Variants in POLQ observed in about 807,000 individuals in gnomAD.
The protein encoded by POLQ is epididymis secretory sperm binding protein.
A neutral mutation model predicts 259.2 loss-of-function variants in POLQ; 233 were observed. That is an observed-to-expected ratio of 0.90 (90% CI 0.81 to 1.00). POLQ has a LOEUF of 1.00. Among genes scored for constraint, POLQ ranks in the 50% least tolerant of loss-of-function variants. The probability of loss-of-function intolerance (pLI) is 0.00; values close to 1 mark genes in which losing one functional copy is unlikely to be tolerated. For missense variants in POLQ, 2,871 were observed against 3,051.6 expected (o/e 0.94, Z 1.39); for synonymous variants, 1,025 against 1,048.8 (o/e 0.98, Z 0.44).
intron 12 of POLQ, among the ~76,000 whole-genome samples, chr3:121,508,990 C>A (rs527910102): frequency 6.6e-6 from 1 of 152,184 alleles, no homozygotes; most frequent in East Asian, 1.9e-4. Flanking sequence ...TTCCTTATTG[C>A]ATTTATTATA....
rs148498353 is a variant in POLQ, at chr3:121,542,267, G to A, written c.344-788C>T. On this transcript the variant is annotated intron_variant, in intron 2 of 29. Transcript: ENST00000264233. ...ACGATGGGCAAGGTGTTGTATGTCT[G>A]TAATCCCAGCATCTTGGGAGGCTGA... 7.9e-5 allele frequency among the ~76,000 whole-genome samples: 12 copies of A among 152,342 alleles called. No individual in the cohort carries two copies. The East Asian group carries it at 2.1e-3, about 27-fold the overall frequency.
intron 5 of POLQ, among the ~76,000 whole-genome samples, chr3:121,535,533 T>A (rs1326338013): frequency 6.6e-6 from 1 of 151,796 alleles, no homozygotes; most frequent in Non-Finnish European, 1.5e-5. Flanking sequence ...CTGGCCAACA[T>A]GGTGAAACCC....
intron 7 of POLQ, among the ~76,000 whole-genome samples, chr3:121,522,686 G>A (rs1167790357): frequency 1.3e-5 from 2 of 152,126 alleles, no homozygotes; most frequent in African/African-American, 4.8e-5. Flanking sequence ...GATGTGACCT[G>A]GACATGAAGA....
intron 23 of POLQ, among the ~76,000 whole-genome samples, chr3:121,467,940 G>A (rs183386325): frequency 6.6e-6 from 1 of 152,222 alleles, no homozygotes; most frequent in East Asian, 1.9e-4. Flanking sequence ...GGCTGAGGTG[G>A]GAGGATTGCT....
chr3:121,487,250 G>T, intron 16 of POLQ, 52 bp downstream of exon 16: 1 of 937,404 alleles, frequency 1.1e-6, no homozygotes, highest in Non-Finnish European at 1.6e-6. Context: ...TCTTATCTCA[G>T]TCTACTAAGT....
At chr3:121,518,967 A>C (rs1201010496) in intron 9 of POLQ, among the ~76,000 whole-genome samples, 1 of 152,090 alleles carries the variant, frequency 6.6e-6, no homozygotes, top group African/African-American at 2.4e-5. Context: ...ATTCAAACAA[A>C]CCTCTTCCTT....
At chr3:121,485,788 TTTTG>T (rs1264683000) in intron 16 of POLQ, among the ~76,000 whole-genome samples, 2 of 152,218 alleles carry the variant, frequency 1.3e-5, no homozygotes, top group Non-Finnish European at 1.5e-5. Flanking sequence ...ATGTGCTCAA[TTTTG>T]TTTGTTACAT....
At chr3:121,508,940 A>T (rs2048231013) in intron 12 of POLQ, among the ~76,000 whole-genome samples, 1 of 148,446 alleles carries the variant, frequency 6.7e-6, no homozygotes, top group Admixed American at 6.8e-5. Context: ...TATACAAAAT[A>T]ATATTCACAG....
intron 12 of POLQ, among the ~76,000 whole-genome samples, chr3:121,499,267 CTT>C (rs34141063): frequency 2.2e-3 from 299 of 135,556 alleles, no homozygotes; most frequent in East Asian, 2.4e-3. Flanking sequence ...GAACCCAAGT[CTT>C]TTTTTTTTTT....
At chr3:121,462,256 T>C (rs1576405581) in intron 24 of POLQ, among the ~76,000 whole-genome samples, 1 of 151,958 alleles carries the variant, frequency 6.6e-6, no homozygotes, top group Non-Finnish European at 1.5e-5. Flanking sequence ...ATTGGACAAA[T>C]TATATGGGAA....
rs1466275346 is a variant in POLQ, at chr3:121,481,818, T to C, written c.5971-6A>G. On this transcript the variant is annotated splice_region_variant and splice_polypyrimidine_tract_variant and intron_variant, in intron 18 of 29. Coordinates refer to ENST00000264233, the MANE Select transcript of POLQ (RefSeq NM_199420.4). ...TCTAGTAACCAGCATGCCACCTGAA[T>C]GGGATAGCAATGAGAATATTTTCCT... 6.2e-7 allele frequency: 1 copy of C among 1,606,388 alleles called. No homozygotes were observed. The highest frequency in any genetic ancestry group is 8.5e-7 in the Non-Finnish European group (1 of 1,175,210).
intron 19 of POLQ, among the ~76,000 whole-genome samples, chr3:121,479,511 G>GGAGT (rs1460209258): frequency 6.6e-6 from 1 of 152,114 alleles, no homozygotes; most frequent in African/African-American, 2.4e-5. Flanking sequence ...TGCCCAGACT[G>GGAGT]GAGTGCAGTG....
At chr3:121,483,224 C>T (rs2047984029) in intron 18 of POLQ, among the ~76,000 whole-genome samples, 162 bp downstream of exon 18, 1 of 151,968 alleles carries the variant, frequency 6.6e-6, no homozygotes, top group Non-Finnish European at 1.5e-5. Flanking sequence ...ATATTTGGTG[C>T]ATGATATTCT....
chr3:121,488,712 C>T lies in POLQ; in HGVS notation c.4219G>A (p.Val1407Ile), dbSNP rs913213661. The change falls in exon 16 of 30, where the codon GTT becomes ATT. Residue 1407 changes from valine (V) to isoleucine (I), a missense_variant. Around this residue, in one of 3 missense-constraint regions of POLQ, gnomAD observed 2,080 missense variants for 2,126.0 expected, o/e 0.98. Coordinates refer to ENST00000264233, the MANE Select transcript of POLQ (RefSeq NM_199420.4). ...TMKQSSDSHG[V>I]DILTPESPIF... ...GGGCTTTCTGGAGTCAGGATATCAACCCCATGTGAATCACTGCTTTGTTTC... is the reference window on the plus strand; with the variant it reads ...GGGCTTTCTGGAGTCAGGATATCAATCCCATGTGAATCACTGCTTTGTTTC... 3.7e-6 allele frequency: 6 copies of T among 1,613,928 alleles called. No homozygotes were observed. Among genetic ancestry groups the T allele is most frequent in the East Asian group, 2.2e-5 (1 of 44,874 alleles).
intron 22 of POLQ, among the ~76,000 whole-genome samples, chr3:121,470,984 G>C (rs540002215): frequency 2.0e-5 from 3 of 152,272 alleles, no homozygotes; most frequent in Non-Finnish European, 2.9e-5. Flanking sequence ...GAGAGGTTAA[G>C]TATCTTGTCT....
chr3:121,544,501 A>G (rs1236862328), intron 2 of POLQ, among the ~76,000 whole-genome samples: 1 of 152,122 alleles, frequency 6.6e-6, no homozygotes, highest in Non-Finnish European at 1.5e-5. Flanking sequence ...AGAATTGCCC[A>G]CTCTTTAAAT....
chr3:121,531,644 T>G (rs2048412433), intron 6 of POLQ, among the ~76,000 whole-genome samples: 1 of 152,114 alleles, frequency 6.6e-6, no homozygotes, highest in African/African-American at 2.4e-5. Context: ...AAGCACAGAC[T>G]GAAAGGGACA....
At position 121,489,588 on chromosome 3, in the gene POLQ, G is replaced by A. The variant is rs774854331; in HGVS notation, c.3343C>T (p.Pro1115Ser). The A allele has an allele frequency of 6.2e-7, 1 of 1,612,976 alleles. No homozygotes were observed. The highest frequency in any genetic ancestry group is 1.7e-5 in the Admixed American group (1 of 59,846). ...GAACAATTTTGCTTTATTTGTAATG[G>A]GAATGATGTTTTATTATCTTTTTCC... is the stretch of plus-strand genomic sequence containing the variant. ...GKEKDNKTSF[P>S]LQIKQNCSWN... The change falls in exon 16 of 30, where the codon CCA (proline) becomes TCA (serine). Residue 1115 changes from proline to serine, a missense_variant. By Grantham distance (74) the Pro-to-Ser change is moderately conservative. Coordinates refer to ENST00000264233, the MANE Select transcript of POLQ (RefSeq NM_199420.4).
At chr3:121,509,928 A>G (rs2048239923) in intron 11 of POLQ, 111 bp downstream of exon 11, 1 of 989,868 alleles carries the variant, frequency 1.0e-6, no homozygotes, top group South Asian at 1.6e-5. Flanking sequence ...TGCTCAAAAA[A>G]TCAAATTCCT....
Sources: allele counts gnomAD v4.1 joint callset (sites outside exome capture counted in the v4.1 genomes callset), GRCh38; gene constraint gnomAD v4.1.1; regional missense constraint gnomAD v4.1.1; transcripts MANE v1.5; gene names NCBI Gene and HGNC (gene_info 2026-07-23, HGNC 2026-07-21).